Variants in KANSL1 observed in about 807,000 individuals in gnomAD.
KANSL1 encodes the protein KAT8 regulatory NSL complex subunit 1.
Under a neutral mutation model 103.6 loss-of-function variants are expected in KANSL1, and 22 were observed. The observed-to-expected ratio is 0.21, with a 90% CI of 0.15 to 0.30. The LOEUF (loss-of-function observed/expected upper bound fraction) is 0.30. Among genes scored for constraint, KANSL1 ranks in the 10% least tolerant of loss-of-function variants. The pLI is 1.00. For missense variants in KANSL1, 1,337 were observed against 1,399.8 expected (o/e 0.96, Z 0.72); for synonymous variants, 600 against 527.6 (o/e 1.14, Z -1.88).
At chr17:46,164,418 G>A (rs59577941) in intron 2 of KANSL1, among the ~76,000 whole-genome samples, 5 of 152,242 alleles carry the variant, frequency 3.3e-5, no homozygotes, top group African/African-American at 4.8e-5. Flanking sequence ...GCCACTTGAC[G>A]TCATGTGCAG....
intron 2 of KANSL1, among the ~76,000 whole-genome samples, chr17:46,118,613 T>C (rs961639509): frequency 1.3e-5 from 2 of 152,222 alleles, no homozygotes; most frequent in African/African-American, 2.4e-5. Flanking sequence ...GTCCAAAGAC[T>C]ACACTTTGAT....
chr17:46,186,552 A>G (rs1421372225), intron 1 of KANSL1, among the ~76,000 whole-genome samples: 2 of 152,210 alleles, frequency 1.3e-5, no homozygotes, highest in South Asian at 2.1e-4. Context: ...CAATACTAAT[A>G]TCCATTTTTC....
intron 7 of KANSL1, chr17:46,041,911 T>TGTGTGTGTGTGTG: frequency 7.1e-6 from 1 of 140,576 alleles, no homozygotes; most frequent in African/African-American, 2.7e-5. Flanking sequence ...TGTGTGTGTG[T>TGTGTGTGTGTGTG]ATATTTTTTT....
At chr17:46,152,486 A>C (rs772768189) in intron 2 of KANSL1, among the ~76,000 whole-genome samples, 1 of 150,784 alleles carries the variant, frequency 6.6e-6, no homozygotes, top group Non-Finnish European at 1.5e-5. Flanking sequence ...TTGAAGCAAC[A>C]CATTTCCACC....
intron 2 of KANSL1, among the ~76,000 whole-genome samples, chr17:46,138,856 G>A (rs1049564662): frequency 6.6e-6 from 1 of 152,168 alleles, no homozygotes; most frequent in Non-Finnish European, 1.5e-5. Flanking sequence ...ACAATATTAG[G>A]AGAAGTCATG....
intron 1 of KANSL1, among the ~76,000 whole-genome samples, chr17:46,185,676 T>C (rs541305622): frequency 7.6e-6 from 1 of 132,034 alleles, no homozygotes; most frequent in Non-Finnish European, 1.6e-5. Flanking sequence ...TACACATATA[T>C]ATACACACAC....
At chr17:46,151,235 A>C (rs2045082070) in intron 2 of KANSL1, among the ~76,000 whole-genome samples, 2 of 152,254 alleles carry the variant, frequency 1.3e-5, no homozygotes, top group Non-Finnish European at 2.9e-5. Flanking sequence ...TCTACCACTC[A>C]TTCTATACCT....
rs909402741 is a variant in KANSL1, at chr17:46,108,433, C to T, written c.1290-13732G>A. Among the ~76,000 whole-genome samples, 64 of 152,202 alleles carry T rather than the reference C, an allele frequency of 4.2e-4. 1 individual carries two copies. Among genetic ancestry groups the T allele is most frequent in the Admixed American group, 4.1e-3 (62 of 15,280 alleles). ...CTTAACTGTCCTATAAAATTGCAAC[C>T]CCTCTCCAAATACCCCCTACACACC... On this transcript the variant is annotated intron_variant, in intron 2 of 14. Coordinates refer to ENST00000432791, the MANE Select transcript of KANSL1 (RefSeq NM_015443.4).
chr17:46,094,773 G>A (rs2041991188), intron 2 of KANSL1, 72 bp from the exon 3 acceptor site: 1 of 1,579,004 alleles, frequency 6.3e-7, no homozygotes, highest in Non-Finnish European at 8.7e-7. Flanking sequence ...GGTGGGGAGT[G>A]GAATTTAACT....
Position 46,172,233 on chromosome 17 carries a change from C to T in KANSL1, c.-89-1G>A, listed in dbSNP as rs899803117. ...CCTTACTGCCTCCCCAGAGAACAGA[C>T]TAGAAGAGAAAGGAGAAAAGAATAT... On this transcript the variant is annotated splice_acceptor_variant, in intron 1 of 14. Transcript: ENST00000432791. LOFTEE classifies it low-confidence loss of function (5UTR_SPLICE). 7 of 1,226,862 alleles carry T rather than the reference C, an allele frequency of 5.7e-6. No homozygotes were observed. Among genetic ancestry groups the T allele is most frequent in the Non-Finnish European group, 7.8e-6 (7 of 896,854 alleles). 76.0% of individuals were successfully genotyped at this position (1,226,862 alleles called of 1,614,324 possible).
At chr17:46,196,842 C>T (rs1476441759), upstream of KANSL1, 1 of 193,904 alleles carries the variant, frequency 5.2e-6, no homozygotes, top group Admixed American at 5.8e-5. Context: ...CATGGTGGCT[C>T]ACACCTATAA....
chr17:46,100,172 G>A (rs1398680727), intron 2 of KANSL1, among the ~76,000 whole-genome samples: 1 of 152,136 alleles, frequency 6.6e-6, no homozygotes, highest in Non-Finnish European at 1.5e-5. Flanking sequence ...TTTGAGCTAG[G>A]TAGTGAGTAC....
intron 6 of KANSL1, among the ~76,000 whole-genome samples, chr17:46,059,150 A>G (rs568200228): frequency 6.6e-6 from 1 of 152,304 alleles, no homozygotes; most frequent in African/African-American, 2.4e-5. Flanking sequence ...CAAATTATCA[A>G]TAAAAAGAGG....
At chr17:46,123,302 G>A (rs1437733434) in intron 2 of KANSL1, among the ~76,000 whole-genome samples, 2 of 152,186 alleles carry the variant, frequency 1.3e-5, no homozygotes, top group Non-Finnish European at 2.9e-5. Context: ...ACTTGAGCCC[G>A]GGAGGCAGAG....
chr17:46,196,955 A>G (rs1405584576), upstream of KANSL1, among the ~76,000 whole-genome samples: 10 of 152,232 alleles, frequency 6.6e-5, no homozygotes, highest in Non-Finnish European at 1.5e-4. Context: ...AAAAATAAAT[A>G]ATAAAAAAAT....
intron 2 of KANSL1, among the ~76,000 whole-genome samples, chr17:46,102,874 A>G (rs1005414114): frequency 2.0e-5 from 3 of 152,222 alleles, no homozygotes; most frequent in Admixed American, 6.5e-5. Flanking sequence ...AAAATATACG[A>G]TAAGAGATCC....
At chr17:46,078,399 A>G (rs1017692143) in intron 4 of KANSL1, among the ~76,000 whole-genome samples, 2 of 152,220 alleles carry the variant, frequency 1.3e-5, no homozygotes, top group Non-Finnish European at 2.9e-5. Context: ...AATCTTCCCT[A>G]AACATGTGCA....
rs150549070 is a variant in KANSL1 at position 46,209,145 on chromosome 17, T to C, written c.-90+14526A>G. On this transcript the variant is annotated intron_variant, in intron 1 of 14. Transcript: ENST00000572904. ...TTGCAGTGAGCCAAGATTGCGCCGA[T>C]TGCACTCCAGCCTGAGTGACAAGAG... is the stretch of plus-strand genomic sequence containing the variant. 5.5e-3 allele frequency among the ~76,000 whole-genome samples: 827 copies of C among 151,002 alleles called. 8 individuals carry two copies. Among genetic ancestry groups the C allele is most frequent in the African/African-American group, 0.018 (734 of 40,974 alleles).
At chr17:46,072,103 C>A (rs1051718796) in intron 4 of KANSL1, among the ~76,000 whole-genome samples, 4 of 151,840 alleles carry the variant, frequency 2.6e-5, no homozygotes, top group African/African-American at 9.7e-5. Flanking sequence ...CCACTCTGGG[C>A]CAGATCAAGT....
Sources: allele counts gnomAD v4.1 joint callset (sites outside exome capture counted in the v4.1 genomes callset), GRCh38; gene constraint gnomAD v4.1.1; transcripts MANE v1.5; gene names NCBI Gene and HGNC (gene_info 2026-07-23, HGNC 2026-07-21).